Variants in PAF1 observed in about 807,000 individuals in gnomAD.
The protein encoded by PAF1 is PAF1 component of Paf1/RNA polymerase II complex, also known as RNA polymerase II-associated factor 1 homolog.
Under a neutral mutation model 68.4 loss-of-function variants are expected in PAF1, and 31 were observed. The ratio of observed to expected loss-of-function variants is 0.45; its 90% CI spans 0.34 to 0.61. The LOEUF is 0.61. Among genes scored for constraint, PAF1 ranks in the 20% least tolerant of loss-of-function variants. The pLI is 0.01. For missense variants in PAF1, 435 were observed against 692.9 expected, an observed-to-expected ratio of 0.63 and a Z score of 4.18; for synonymous variants, 256 against 240.5, an observed-to-expected ratio of 1.06 and a Z score of -0.60.
Position 39,389,401 on chromosome 19 carries a change from G to T in PAF1, c.360-18C>A. 3.7e-6 allele frequency: 6 copies of T among 1,613,204 alleles called. No homozygotes were observed. The highest frequency in any genetic ancestry group is 5.1e-6 in the Non-Finnish European group (6 of 1,179,178). On this transcript the variant is annotated intron_variant, in intron 5 of 13. Coordinates refer to ENST00000221265, the MANE Select transcript of PAF1 (RefSeq NM_019088.4). This position sits in a 1 kb window ranked among gnomAD's most constrained non-coding sequence, Gnocchi z 5.3. ...GCTGGGATCTGGGGTGGGAAATCAGGTATCTCAGGACCCCACTGCCCTCCT... is the reference window on the plus strand; with the variant it reads ...GCTGGGATCTGGGGTGGGAAATCAGTTATCTCAGGACCCCACTGCCCTCCT...
Position 39,390,269 on chromosome 19 carries a change from A to C in PAF1, c.68T>G (p.Leu23Arg). The C allele has an allele frequency of 6.2e-7, 1 of 1,613,658 alleles. No individual in the cohort carries two copies. Among genetic ancestry groups the C allele is most frequent in the Non-Finnish European group, 8.5e-7 (1 of 1,179,718 alleles). ...GCACAGTGGGGCTCACCTCTCAGGC[A>C]GAGTCCGGTGGGAATTGGGCCTAGT... Reference protein sequence around the residue: ...DGHRPNSHRTLPERSGVVCRV... With the variant: ...DGHRPNSHRTRPERSGVVCRV... Residue 23 changes from leucine to arginine, a missense_variant, in exon 2 of 14, where the codon CTG (leucine) becomes CGG (arginine). Physicochemically the swap from Leu to Arg is moderately radical, Grantham distance 102. This residue lies in a region of PAF1 where 38 missense variants were observed against 33.9 expected (regional missense o/e 1.12). Transcript: ENST00000221265.
Position 39,386,242 on chromosome 19 carries a change from C to T in PAF1, c.1345G>A (p.Asp449Asn). 1 of 1,614,160 alleles carries T rather than the reference C, an allele frequency of 6.2e-7. No individual in the cohort carries two copies. The part of the protein sequence containing the change: ...SSEDEARAAR[D>N]KEEIFGSDAD... ...TCACTGCCAAAGATCTCCTCTTTGTCACGGGCAGCCCGGGCCTCATCCTCG... is the reference window on the plus strand; with the variant it reads ...TCACTGCCAAAGATCTCCTCTTTGTTACGGGCAGCCCGGGCCTCATCCTCG... The change falls in exon 14 of 14, where the codon GAC becomes AAC. Residue 449 changes from aspartate (D) to asparagine (N), a missense_variant. Coordinates refer to ENST00000221265, the MANE Select transcript of PAF1 (RefSeq NM_019088.4). The surrounding 1 kb of genome is among the most constrained non-coding windows in gnomAD (Gnocchi z 6.1).
In PAF1 at chr19:39,389,405, C is replaced by T. The variant is rs756108955; in HGVS notation, c.360-22G>A. 3.1e-6 allele frequency: 5 copies of T among 1,613,014 alleles called. No individual in the cohort carries two copies. The highest frequency in any genetic ancestry group is 4.2e-6 in the Non-Finnish European group (5 of 1,179,002). On this transcript the variant is annotated intron_variant, in intron 5 of 13. Coordinates refer to ENST00000221265, the MANE Select transcript of PAF1 (RefSeq NM_019088.4). The surrounding 1 kb of genome is among the most constrained non-coding windows in gnomAD (Gnocchi z 5.3). ...GGATCTGGGGTGGGAAATCAGGTAT[C>T]TCAGGACCCCACTGCCCTCCTGCTT...
At position 39,390,953 on chromosome 19, in the gene PAF1, C is replaced by A; in HGVS notation, c.-89G>T. 2.3e-6 allele frequency: 3 copies of A among 1,314,754 alleles called. No individual in the cohort carries two copies. The highest frequency in any genetic ancestry group is 2.5e-5 in the East Asian group (1 of 39,454). 81.4% of individuals were successfully genotyped at this position (1,314,754 alleles called of 1,614,324 possible). On this transcript the variant is annotated 5_prime_UTR_variant, in exon 1 of 14. Transcript: ENST00000221265. ...GTGCCGACTTCAGGGGACGCCTGAT[C>A]CGAGGAAGGCCCAGCTTGGCGCCGC...
chr19:39,387,000 C>CAT lies in PAF1; in HGVS notation c.987-202_987-201insAT, dbSNP rs1440240621. 6.6e-6 allele frequency among the ~76,000 whole-genome samples: 1 copy of CAT among 152,204 alleles called. No homozygotes were observed. The highest frequency in any genetic ancestry group is 6.5e-5 in the Admixed American group (1 of 15,280). ...GGGAAAGGAAGGATGGCTCCCATGG[C>CAT]ACCAGTTTGGTTGCCCTACACTGTG... is the stretch of plus-strand genomic sequence containing the variant. On this transcript the variant is annotated intron_variant, in intron 11 of 13. Transcript: ENST00000221265. The surrounding 1 kb of genome is among the most constrained non-coding windows in gnomAD (Gnocchi z 6.1).
In PAF1 at chr19:39,386,582, G is replaced by T. The variant is rs1289811984; in HGVS notation, c.1093-10C>A. 1 of 1,613,896 alleles carries T rather than the reference G, an allele frequency of 6.2e-7. No individual in the cohort carries two copies. Reference sequence around the variant, plus strand: ...GGGCCTTCCGTGCCTCCTGGAAGCAGCAAGATTGGAATGAGGGGAAGGAGG... The same window carrying T: ...GGGCCTTCCGTGCCTCCTGGAAGCATCAAGATTGGAATGAGGGGAAGGAGG... On this transcript the variant is annotated splice_polypyrimidine_tract_variant and intron_variant, in intron 12 of 13. Coordinates refer to ENST00000221265, the MANE Select transcript of PAF1 (RefSeq NM_019088.4). This position sits in a 1 kb window ranked among gnomAD's most constrained non-coding sequence, Gnocchi z 6.1.
At position 39,388,807 on chromosome 19, in the gene PAF1, G is replaced by A. The variant is rs760638200; in HGVS notation, c.695C>T (p.Thr232Met). Residue 232 changes from threonine to methionine, a missense_variant, in exon 9 of 14, where the codon ACG becomes ATG. Physicochemically the swap from Thr to Met is moderately conservative, Grantham distance 81. Coordinates refer to ENST00000221265, the MANE Select transcript of PAF1 (RefSeq NM_019088.4). ...CATCTCCAACGCAGCTGCACCACTCGTGTCCTTGGGGGCTGGGTCTGAGTC... is the reference window on the plus strand; with the variant it reads ...CATCTCCAACGCAGCTGCACCACTCATGTCCTTGGGGGCTGGGTCTGAGTC... Reference protein sequence around the residue: ...IFDSDPAPKDTSGAAALEMMS... With the variant: ...IFDSDPAPKDMSGAAALEMMS... 6.2e-6 allele frequency: 10 copies of A among 1,614,028 alleles called. No homozygotes were observed. Among genetic ancestry groups the A allele is most frequent in the South Asian group, 3.3e-5 (3 of 91,090 alleles).
intron 11 of PAF1, among the ~76,000 whole-genome samples, chr19:39,388,032 T>C (rs1177925779): frequency 6.6e-6 from 1 of 152,100 alleles, no homozygotes; most frequent in Non-Finnish European, 1.5e-5. Flanking sequence ...TGCCAGCTAC[T>C]CAGGAGGCTG....
In PAF1 at chr19:39,389,886, A is replaced by C; in HGVS notation, c.171-125T>G. The C allele has an allele frequency of 7.4e-7, 1 of 1,358,832 alleles. No homozygotes were observed. Among genetic ancestry groups the C allele is most frequent in the Non-Finnish European group, 1.0e-6 (1 of 957,224 alleles). The allele number at this position is 1,358,832 out of a possible 1,614,324, so 84.2% of individuals were successfully genotyped here. On this transcript the variant is annotated intron_variant, in intron 3 of 13. Coordinates refer to ENST00000221265, the MANE Select transcript of PAF1 (RefSeq NM_019088.4). The surrounding 1 kb of genome is among the most constrained non-coding windows in gnomAD (Gnocchi z 5.3). ...GAAGTGTCCCCCATGGCAGAGTCTGAAAGCTGGCTCCCCAGTGGGAAGGGA... is the reference window on the plus strand; with the variant it reads ...GAAGTGTCCCCCATGGCAGAGTCTGCAAGCTGGCTCCCCAGTGGGAAGGGA...
chr19:39,388,110 T>C (rs911973613), intron 11 of PAF1, among the ~76,000 whole-genome samples: 1 of 152,208 alleles, frequency 6.6e-6, no homozygotes, highest in African/African-American at 2.4e-5. Context: ...CACTGCACTC[T>C]GGCCTGGGCA....
chr19:39,387,142 T>G, intron 11 of PAF1: 3 of 433,018 alleles, frequency 6.9e-6, no homozygotes, highest in Non-Finnish European at 1.3e-5. Flanking sequence ...ACGTACATAG[T>G]ATAGCCTACT....
At chr19:39,388,918 C>A in intron 8 of PAF1, 29 bp downstream of exon 8, 1 of 1,611,854 alleles carries the variant, frequency 6.2e-7, no homozygotes, top group Non-Finnish European at 8.5e-7. Flanking sequence ...AATAGGCTGT[C>A]CCTTTCTACC....
At position 39,390,302 on chromosome 19, in the gene PAF1, A is replaced by C. The variant is rs1434852315; in HGVS notation, c.48-13T>G. 1 of 1,608,782 alleles carries C rather than the reference A, an allele frequency of 6.2e-7. No individual in the cohort carries two copies. The highest frequency in any genetic ancestry group is 1.1e-5 in the South Asian group (1 of 90,574). On this transcript the variant is annotated splice_polypyrimidine_tract_variant and intron_variant, in intron 1 of 13. Coordinates refer to ENST00000221265, the MANE Select transcript of PAF1 (RefSeq NM_019088.4). ...GTGGGAATTGGGCCTAGTGGAGAAGAAAGAAACAGTGATAGGTGGAGAGGA... is the reference window on the plus strand; with the variant it reads ...GTGGGAATTGGGCCTAGTGGAGAAGCAAGAAACAGTGATAGGTGGAGAGGA...
intron 9 of PAF1, 39 bp downstream of exon 9, chr19:39,388,723 A>G: frequency 6.2e-7 from 1 of 1,606,716 alleles, no homozygotes; most frequent in Non-Finnish European, 8.5e-7. Flanking sequence ...GACAAGAGGC[A>G]GCAAGGAGCA....
At chr19:39,387,101 C>T (rs898034225) in intron 11 of PAF1, 2 of 492,920 alleles carry the variant, frequency 4.1e-6, no homozygotes, top group African/African-American at 3.9e-5. Context: ...AGATATACAT[C>T]ATGTGAACAT....
In PAF1 at chr19:39,386,439, C is replaced by T. The variant is rs1394941669; in HGVS notation, c.1184-36G>A. ...GTGGAGAGAGATGAAACCCACTTTT[C>T]CACCCTCCCAGGGCTCCCAGAGTCT... On this transcript the variant is annotated intron_variant, in intron 13 of 13. Coordinates refer to ENST00000221265, the MANE Select transcript of PAF1 (RefSeq NM_019088.4). This position sits in a 1 kb window ranked among gnomAD's most constrained non-coding sequence, Gnocchi z 6.1. 6 of 1,613,984 alleles carry T rather than the reference C, an allele frequency of 3.7e-6. No individual in the cohort carries two copies. Among genetic ancestry groups the T allele is most frequent in the Non-Finnish European group, 4.2e-6 (5 of 1,179,994 alleles).
intron 11 of PAF1, among the ~76,000 whole-genome samples, chr19:39,387,650 A>G (rs1365644022): frequency 6.6e-6 from 1 of 152,260 alleles, no homozygotes; most frequent in Non-Finnish European, 1.5e-5. Flanking sequence ...GCATAGCAGT[A>G]AACTTTGAGC....
In PAF1 at chr19:39,386,454, T is replaced by TC. The variant is rs769710191; in HGVS notation, c.1183+27dup. Reference sequence around the variant, plus strand: ...ACCCACTTTTCCACCCTCCCAGGGCTCCCAGAGTCTGGCCTGTCCAGATTT... The same window carrying TC: ...ACCCACTTTTCCACCCTCCCAGGGCTCCCCAGAGTCTGGCCTGTCCAGATTT... On this transcript the variant is annotated intron_variant, in intron 13 of 13. Transcript: ENST00000221265. This position sits in a 1 kb window ranked among gnomAD's most constrained non-coding sequence, Gnocchi z 6.1. The TC allele has an allele frequency of 1.8e-5, 29 of 1,613,916 alleles. No homozygotes were observed. The African/African-American group carries it at 2.7e-4, about 15-fold the overall frequency.
At chr19:39,388,154 T>C (rs1311096376) in intron 11 of PAF1, among the ~76,000 whole-genome samples, 185 bp downstream of exon 11, 1 of 152,118 alleles carries the variant, frequency 6.6e-6, no homozygotes, top group Admixed American at 6.5e-5. Flanking sequence ...AAAAAAGATT[T>C]TTTTTCTGGC....
Sources: allele counts gnomAD v4.1 joint callset (sites outside exome capture counted in the v4.1 genomes callset), GRCh38; gene constraint gnomAD v4.1.1; regional missense constraint gnomAD v4.1.1; non-coding constraint Gnocchi (gnomAD v3.1); transcripts MANE v1.5; gene names NCBI Gene and HGNC (gene_info 2026-07-23, HGNC 2026-07-21).